The following LRIG2 variants were observed in gnomAD, a reference collection of about 807,000 sequenced individuals.
LRIG2 encodes the protein leucine-rich repeats and immunoglobulin-like domains protein 2.
A neutral mutation model predicts 107.8 loss-of-function variants in LRIG2; 93 were observed. The ratio of observed to expected loss-of-function variants is 0.86; its 90% confidence interval spans 0.73 to 1.03. LRIG2 has a LOEUF of 1.03. Among genes scored for constraint, LRIG2 ranks in the 50% least tolerant of loss-of-function variants. The pLI, the probability that LRIG2 is intolerant of heterozygous loss-of-function variation, is 0.00. For synonymous variants in LRIG2, 471 were observed against 470.6 expected (o/e 1.00, Z -0.01); for missense variants, 1,226 against 1,296.0 (o/e 0.95, Z 0.83).
chr1:113,084,098 T>C (rs1653426417), intron 1 of LRIG2, among the ~76,000 whole-genome samples: 2 of 150,336 alleles, frequency 1.3e-5, no homozygotes, highest in African/African-American at 4.9e-5. Context: ...GACTTAACTA[T>C]CAATATTAAT....
At chr1:113,085,127 C>CA (rs1653490555) in intron 1 of LRIG2, among the ~76,000 whole-genome samples, 1 of 152,014 alleles carries the variant, frequency 6.6e-6, no homozygotes, top group African/African-American at 2.4e-5. Flanking sequence ...CAGCCTTTCC[C>CA]AAAAAAGACT....
At chr1:113,085,472 C>T (rs1314973078) in intron 1 of LRIG2, among the ~76,000 whole-genome samples, 3 of 152,078 alleles carry the variant, frequency 2.0e-5, no homozygotes, top group Non-Finnish European at 4.4e-5. Context: ...TTAGTAGAGA[C>T]GGGGTTTCTC....
chr1:113,084,531 A>T (rs551852060), intron 1 of LRIG2, among the ~76,000 whole-genome samples: 1 of 152,210 alleles, frequency 6.6e-6, no homozygotes, highest in Non-Finnish European at 1.5e-5. Flanking sequence ...ATTCTTTAAA[A>T]TTATTTTCTG....
Position 113,110,454 on chromosome 1 carries a change from A to C in LRIG2, c.1690A>C (p.Ile564Leu), listed in dbSNP as rs1654728023. ...QAGEALEYTS[I>L]LHLFNVNFTD... is the part of the protein sequence containing the mutation. Reference sequence around the variant, plus strand: ...TGGAGAAGCTCTGGAATATACTAGTATCTTACATCTTTTCAATGTGAATTT... The same window carrying C: ...TGGAGAAGCTCTGGAATATACTAGTCTCTTACATCTTTTCAATGTGAATTT... Residue 564 changes from isoleucine to leucine, a missense_variant, in exon 13 of 18, where the codon ATC (isoleucine) becomes CTC (leucine). Physicochemically the swap from Ile to Leu is conservative, Grantham distance 5 (BLOSUM62 2). Transcript: ENST00000361127. The C allele has an allele frequency of 6.2e-7, 1 of 1,613,722 alleles. No homozygotes were observed.
intron 16 of LRIG2, 21 bp downstream of exon 16, chr1:113,116,457 G>A: frequency 6.4e-7 from 1 of 1,569,568 alleles, no homozygotes; most frequent in Non-Finnish European, 8.7e-7. Context: ...TGTTGTTTAT[G>A]GTTACAATTT....
At chr1:113,081,792 T>C (rs1653300003) in intron 1 of LRIG2, among the ~76,000 whole-genome samples, 1 of 152,212 alleles carries the variant, frequency 6.6e-6, no homozygotes, top group Admixed American at 6.5e-5. Flanking sequence ...AAGTGCTGGA[T>C]TACAGGCATG....
At chr1:113,106,352 T>C (rs961466973) in intron 11 of LRIG2, among the ~76,000 whole-genome samples, 14 of 152,230 alleles carry the variant, frequency 9.2e-5, no homozygotes, top group Non-Finnish European at 1.9e-4. Context: ...ATCATTTACT[T>C]TCCCTGCTTC....
intron 1 of LRIG2, among the ~76,000 whole-genome samples, chr1:113,083,904 A>G (rs1653404591): frequency 6.7e-6 from 1 of 149,826 alleles, no homozygotes; most frequent in South Asian, 2.1e-4. Flanking sequence ...CCTAATGTAA[A>G]TGATGAGTTA....
At chr1:113,090,694 C>T (rs369771665) in intron 1 of LRIG2, among the ~76,000 whole-genome samples, 28 of 151,290 alleles carry the variant, frequency 1.9e-4, no homozygotes, top group South Asian at 1.3e-3. Flanking sequence ...AAAAATTAGC[C>T]GGGCGTGGTG....
chr1:113,100,686 G>C (rs1236436094), intron 11 of LRIG2, 198 bp downstream of exon 11: 1 of 433,932 alleles, frequency 2.3e-6, no homozygotes, highest in African/African-American at 1.9e-5. Context: ...AGAGTGTGTG[G>C]CACCAAGACC....
intron 8 of LRIG2, among the ~76,000 whole-genome samples, chr1:113,096,820 A>G (rs1029013912): frequency 2.6e-5 from 4 of 152,218 alleles, no homozygotes; most frequent in Non-Finnish European, 4.4e-5. Context: ...AATACTTATT[A>G]TCTGATATGT....
chr1:113,116,299 T>C lies in LRIG2; in HGVS notation c.2543T>C (p.Leu848Pro), dbSNP rs1475927532. The change falls in exon 16 of 18, where the codon CTG (leucine) becomes CCG (proline). Residue 848 changes from leucine to proline, a missense_variant. Leu to Pro is a moderately conservative substitution (Grantham distance 98). Transcript: ENST00000361127. ...GTCTCTTTTACAGAGGAGCTCAATC[T>C]GCCTGCAGACATTCCCAGCTACTTG... is the stretch of plus-strand genomic sequence containing the variant. ...YSITNTEELN[L>P]PADIPSYLSS... is the part of the protein sequence containing the mutation. 1.6e-5 allele frequency: 26 copies of C among 1,612,872 alleles called. No individual in the cohort carries two copies. The highest frequency in any genetic ancestry group is 2.1e-5 in the Non-Finnish European group (25 of 1,179,236).
At chr1:113,091,589 C>T (rs1653827998) in intron 2 of LRIG2, among the ~76,000 whole-genome samples, 1 of 152,158 alleles carries the variant, frequency 6.6e-6, no homozygotes, top group Non-Finnish European at 1.5e-5. Context: ...TTTCAAGTTG[C>T]AGGCTGTGGG....
At chr1:113,106,973 C>A (rs1654566841) in intron 11 of LRIG2, among the ~76,000 whole-genome samples, 1 of 152,052 alleles carries the variant, frequency 6.6e-6, no homozygotes, top group African/African-American at 2.4e-5. Context: ...CACCCCATAC[C>A]CTTTATCTAG....
chr1:113,074,713 C>T (rs1652876683), intron 1 of LRIG2, among the ~76,000 whole-genome samples: 1 of 149,724 alleles, frequency 6.7e-6, no homozygotes, highest in Admixed American at 6.7e-5. Context: ...TCGAGACCAT[C>T]CTGGCCAACA....
At chr1:113,110,628 C>T in intron 13 of LRIG2, 66 bp downstream of exon 13, 1 of 1,181,554 alleles carries the variant, frequency 8.5e-7, no homozygotes, top group Non-Finnish European at 1.2e-6. Flanking sequence ...TTTTGAATCA[C>T]TTGAGAGAAT....
At chr1:113,095,015 C>T (rs1298872155) in intron 6 of LRIG2, among the ~76,000 whole-genome samples, 1 of 149,186 alleles carries the variant, frequency 6.7e-6, no homozygotes, top group African/African-American at 2.5e-5. Context: ...CACTCTGTTG[C>T]CCAGGCTGGA....
chr1:113,080,721 A>G (rs1359034494), intron 1 of LRIG2, among the ~76,000 whole-genome samples: 1 of 152,032 alleles, frequency 6.6e-6, no homozygotes, highest in Non-Finnish European at 1.5e-5. Flanking sequence ...TTTCTTTTCA[A>G]GGTACCTCAT....
Position 113,073,582 on chromosome 1 carries a change from G to A in LRIG2, c.176G>A (p.Arg59Lys), listed in dbSNP as rs1020248134. 1 of 1,613,926 alleles carries A rather than the reference G, an allele frequency of 6.2e-7. No individual in the cohort carries two copies. Among genetic ancestry groups the A allele is most frequent in the Admixed American group, 1.7e-5 (1 of 60,022 alleles). Residue 59 changes from arginine (R) to lysine (K), a missense_variant, in exon 1 of 18, where the codon AGG becomes AAG. Transcript: ENST00000361127. ...CRIPLLDCSR[R>K]KLPAPSWRAL... ...ATTCCTCTCCTGGACTGCAGTCGCA[G>A]GAAATTGCCCGCACCGAGCTGGAGG...
Sources: gnomAD v4.1 joint callset for allele counts (sites outside exome capture counted in the v4.1 genomes callset) on GRCh38, gnomAD v4.1.1 for gene constraint, MANE v1.5 for transcripts, NCBI Gene and HGNC (gene_info 2026-07-23, HGNC 2026-07-21) for gene names.